The following FRMPD2 variants were observed in gnomAD, a reference collection of about 807,000 sequenced individuals.
FRMPD2 encodes FERM and PDZ domain-containing protein 2.
FRMPD2 carries 96 observed loss-of-function variants against 140.1 expected under a neutral mutation model. That is an observed-to-expected ratio of 0.69 (90% confidence interval 0.58 to 0.81). The LOEUF is 0.81. FRMPD2 is among the 40% of genes least tolerant of loss of function. The pLI, the probability that FRMPD2 is intolerant of heterozygous loss-of-function variation, is 0.00. For synonymous variants in FRMPD2, 449 were observed against 547.6 expected, an observed-to-expected ratio of 0.82 and a Z score of 2.52; for missense variants, 1,240 against 1,447.4, an observed-to-expected ratio of 0.86 and a Z score of 2.32.
At chr10:48,168,184 C>T (rs1173964405) in intron 27 of FRMPD2, among the ~76,000 whole-genome samples, 1 of 134,484 alleles carries the variant, frequency 7.4e-6, no homozygotes, top group Non-Finnish European at 1.5e-5. Context: ...TTCTTTGAAC[C>T]AGACTGCACG....
chr10:48,250,188 C>T (rs539104167), intron 2 of FRMPD2, among the ~76,000 whole-genome samples: 43 of 152,290 alleles, frequency 2.8e-4, no homozygotes, highest in Non-Finnish European at 5.0e-4. Flanking sequence ...GCAGTGCGTG[C>T]TCCCTACCTG....
rs1296747226 is a variant in FRMPD2, at chr10:48,242,311, G to C, written c.417C>G (p.Thr139=). The stretch of plus-strand genomic sequence containing the variant: ...GCCTGTGAGGCTGGTCTTCACACAT[G>C]GTCAGCAGGATGGAGTGCAGGGGCT... The part of the protein sequence containing the change: ...LCEPLHSILL[T]MCEDQPHRRC... The change falls in exon 5 of 29, where the codon ACC becomes ACG. Residue 139 remains threonine (T), a synonymous_variant. Coordinates refer to ENST00000374201, the MANE Select transcript of FRMPD2 (RefSeq NM_001018071.4). The C allele has an allele frequency of 6.2e-7, 1 of 1,614,084 alleles. No homozygotes were observed. The highest frequency in any genetic ancestry group is 1.7e-5 in the Admixed American group (1 of 60,028).
At chr10:48,253,119 T>G (rs1035136615) in intron 1 of FRMPD2, among the ~76,000 whole-genome samples, 2 of 152,238 alleles carry the variant, frequency 1.3e-5, no homozygotes, top group African/African-American at 4.8e-5. Context: ...GTTTTTTAAA[T>G]TGCTTTATGA....
chr10:48,178,535 C>G lies in FRMPD2; in HGVS notation c.2791-384G>C, dbSNP rs1838467844. ...AGGAAAATAGACAAGCTGGAGGAAG[C>G]TGAACAACGAAGCCTCAACTGCTGA... On this transcript the variant is annotated intron_variant, in intron 21 of 28. Transcript: ENST00000374201. 2.6e-5 allele frequency among the ~76,000 whole-genome samples: 4 copies of G among 152,284 alleles called. No individual in the cohort carries two copies. The South Asian group carries it at 8.3e-4, about 32-fold the overall frequency.
At chr10:48,220,478 A>G (rs1839557591) in intron 12 of FRMPD2, among the ~76,000 whole-genome samples, 1 of 152,208 alleles carries the variant, frequency 6.6e-6, no homozygotes, top group Non-Finnish European at 1.5e-5. Context: ...CTGAAAACAT[A>G]AAAATTTGAG....
At chr10:48,220,248 C>A (rs1331539736) in intron 12 of FRMPD2, among the ~76,000 whole-genome samples, 3 of 152,096 alleles carry the variant, frequency 2.0e-5, no homozygotes, top group South Asian at 2.1e-4. Flanking sequence ...GCATATAGAC[C>A]AATGGAACAA....
At chr10:48,175,261 G>C in intron 23 of FRMPD2, 1 of 783,220 alleles carries the variant, frequency 1.3e-6, no homozygotes, top group Non-Finnish European at 1.9e-6. Flanking sequence ...ATTTTTGGAA[G>C]TATTTTCAAG....
intron 1 of FRMPD2, among the ~76,000 whole-genome samples, chr10:48,255,514 A>T (rs1840471636): frequency 6.6e-6 from 1 of 152,190 alleles, no homozygotes; most frequent in Admixed American, 6.5e-5. Flanking sequence ...CTCGTCAAGG[A>T]TCTGGTATAT....
In FRMPD2 at chr10:48,188,904, G is replaced by T. The variant is rs531479792; in HGVS notation, c.2166-1612C>A. ...TGGAGCAGTCACATTCATAGACCAGGAGGAGCACGGCAGCGGCCAGGGGCT... is the reference window on the plus strand; with the variant it reads ...TGGAGCAGTCACATTCATAGACCAGTAGGAGCACGGCAGCGGCCAGGGGCT... On this transcript the variant is annotated intron_variant, in intron 16 of 28. Coordinates refer to ENST00000374201, the MANE Select transcript of FRMPD2 (RefSeq NM_001018071.4). 1.6e-4 allele frequency among the ~76,000 whole-genome samples: 24 copies of T among 152,346 alleles called. No individual in the cohort carries two copies. In the South Asian group the frequency reaches 1.7e-3, roughly 11 times the overall value.
chr10:48,197,278 C>A (rs1490879866), intron 15 of FRMPD2, among the ~76,000 whole-genome samples: 1 of 152,134 alleles, frequency 6.6e-6, no homozygotes, highest in African/African-American at 2.4e-5. Context: ...TGAGCAGGAG[C>A]CACCATTACT....
chr10:48,191,118 T>C (rs1838820901), intron 16 of FRMPD2, among the ~76,000 whole-genome samples: 1 of 152,184 alleles, frequency 6.6e-6, no homozygotes, highest in Non-Finnish European at 1.5e-5. Flanking sequence ...AGGCTTAGAC[T>C]TGAAGAGAAC....
chr10:48,264,542 C>T (rs74691816), intron 1 of FRMPD2, among the ~76,000 whole-genome samples: 1,666 of 151,844 alleles, frequency 0.011, 34 homozygotes, highest in African/African-American at 0.038. Flanking sequence ...ATATTAACAC[C>T]AAAAAATTTT....
At chr10:48,201,072 T>C (rs1839074275) in intron 15 of FRMPD2, among the ~76,000 whole-genome samples, 156 bp downstream of exon 15, 1 of 152,214 alleles carries the variant, frequency 6.6e-6, no homozygotes, top group African/African-American at 2.4e-5. Context: ...CATGAGAAAA[T>C]AAAACTGTAT....
At chr10:48,234,080 TTGTC>T (rs1238713479) in intron 9 of FRMPD2, among the ~76,000 whole-genome samples, 3 of 152,188 alleles carry the variant, frequency 2.0e-5, no homozygotes, top group Non-Finnish European at 4.4e-5. Context: ...GGACCACTGA[TTGTC>T]TGGGCTGGGA....
rs868480565 is a variant in FRMPD2 at position 48,238,026 on chromosome 10, G to T, written c.886C>A (p.Pro296Thr). 1 of 1,614,150 alleles carries T rather than the reference G, an allele frequency of 6.2e-7. No homozygotes were observed. The highest frequency in any genetic ancestry group is 8.5e-7 in the Non-Finnish European group (1 of 1,180,034). Residue 296 changes from proline to threonine, a missense_variant, in exon 8 of 29, where the codon CCT becomes ACT. Physicochemically the swap from Pro to Thr is conservative, Grantham distance 38. Transcript: ENST00000374201. Reference sequence around the variant, plus strand: ...CTTTGCAGAAAACCCCTCTGAGAAGGAGTTGTTGGCCATGAGCTGTCTGCT... The same window carrying T: ...CTTTGCAGAAAACCCCTCTGAGAAGTAGTTGTTGGCCATGAGCTGTCTGCT... The part of the protein sequence containing the change: ...SAADSSWPTT[P>T]SQRGFLQRRS...
intron 1 of FRMPD2, among the ~76,000 whole-genome samples, chr10:48,271,961 A>G (rs1457019031): frequency 6.6e-6 from 1 of 152,158 alleles, no homozygotes; most frequent in Non-Finnish European, 1.5e-5. Flanking sequence ...ATGAATCCTG[A>G]GTATATGGAG....
chr10:48,219,222 ATTTC>A (rs1839523207), intron 12 of FRMPD2, among the ~76,000 whole-genome samples: 2 of 143,660 alleles, frequency 1.4e-5, no homozygotes, highest in Admixed American at 1.4e-4. Context: ...TGTGGTTAAC[ATTTC>A]TTTCTTTCTT....
intron 16 of FRMPD2, among the ~76,000 whole-genome samples, chr10:48,190,761 G>C (rs1838810080): frequency 6.6e-6 from 1 of 152,164 alleles, no homozygotes; most frequent in African/African-American, 2.4e-5. Flanking sequence ...TATTACGGAG[G>C]GCGCCAATTC....
chr10:48,232,576 A>C (rs1205800521), intron 9 of FRMPD2, among the ~76,000 whole-genome samples: 1 of 152,108 alleles, frequency 6.6e-6, no homozygotes, highest in Non-Finnish European at 1.5e-5. Flanking sequence ...TGTCTGACTG[A>C]CGTCTTTCCC....
Sources: gnomAD v4.1 joint callset for allele counts (sites outside exome capture counted in the v4.1 genomes callset) on GRCh38, gnomAD v4.1.1 for gene constraint, MANE v1.5 for transcripts, NCBI Gene and HGNC (gene_info 2026-07-23, HGNC 2026-07-21) for gene names.